Variants in SEC16B observed in about 807,000 individuals in gnomAD.
SEC16B encodes the protein SEC16 homolog B, endoplasmic reticulum export factor.
A neutral mutation model predicts 141.8 loss-of-function variants in SEC16B; 115 were observed. The observed-to-expected ratio is 0.81, with a 90% confidence interval of 0.70 to 0.95. The LOEUF (loss-of-function observed/expected upper bound fraction) is 0.95, where lower values mean the gene tolerates loss of function less well. Among genes scored for constraint, SEC16B ranks in the 40% least tolerant of loss-of-function variants. The probability of loss-of-function intolerance (pLI) is 0.00; values close to 1 mark genes in which losing one functional copy is unlikely to be tolerated. For synonymous variants in SEC16B, 493 were observed against 492.5 expected, an observed-to-expected ratio of 1.00 and a Z score of -0.01; for missense variants, 1,291 against 1,312.3, an observed-to-expected ratio of 0.98 and a Z score of 0.25.
upstream of SEC16B, among the ~76,000 whole-genome samples, chr1:177,974,890 G>A: frequency 6.6e-6 from 1 of 152,184 alleles, no homozygotes; most frequent in Non-Finnish European, 1.5e-5. Context: ...CATCACATGG[G>A]ATCCAGAGCA....
chr1:177,936,564 C>T (rs566760423), intron 19 of SEC16B, among the ~76,000 whole-genome samples, 199 bp from the exon 20 acceptor site: 2 of 152,294 alleles, frequency 1.3e-5, no homozygotes, highest in East Asian at 3.9e-4. Context: ...ACATGCTGTT[C>T]AACTCATCCT....
Position 177,965,132 on chromosome 1 carries a change from C to T in SEC16B, c.448G>A (p.Asp150Asn). ...TCAAGGTACTTTTGCTCTCGGTAAT[C>T]TTCGTGCCAGATATAAGGACTCCGT... ...RQRSPYIWHE[D>N]YREQKYLDEH... Residue 150 changes from aspartate to asparagine, a missense_variant, in exon 4 of 26, where the codon GAT becomes AAT. Physicochemically the swap from Asp to Asn is conservative, Grantham distance 23. Transcript: ENST00000308284. 1 of 1,613,638 alleles carries T rather than the reference C, an allele frequency of 6.2e-7. No individual in the cohort carries two copies. The highest frequency in any genetic ancestry group is 8.5e-7 in the Non-Finnish European group (1 of 1,179,772).
At chr1:177,980,275 C>T (rs1185120994) in intron 1 of SEC16B, among the ~76,000 whole-genome samples, 1 of 152,046 alleles carries the variant, frequency 6.6e-6, no homozygotes, top group Non-Finnish European at 1.5e-5. Flanking sequence ...TATAATTTCA[C>T]CCCTGGGAGA....
At chr1:177,936,395 A>G (rs1006190026) in intron 19 of SEC16B, 30 bp from the exon 20 acceptor site, 2 of 1,576,806 alleles carry the variant, frequency 1.3e-6, no homozygotes, top group Admixed American at 1.8e-5. Context: ...GGAAATAGCA[A>G]TTGGAAGTTG....
chr1:177,943,525 G>A (rs549131118), intron 15 of SEC16B, among the ~76,000 whole-genome samples: 4 of 152,324 alleles, frequency 2.6e-5, no homozygotes, highest in Admixed American at 6.5e-5. Context: ...TGTAATTGTT[G>A]TTGTTGCTGC....
At chr1:177,942,413 T>C (rs1371229675) in intron 15 of SEC16B, among the ~76,000 whole-genome samples, 2 of 152,214 alleles carry the variant, frequency 1.3e-5, no homozygotes, top group African/African-American at 4.8e-5. Context: ...CCAGGTGTGC[T>C]GGCTCATGCC....
intron 4 of SEC16B, 35 bp downstream of exon 4, chr1:177,965,012 C>G: frequency 6.2e-7 from 1 of 1,609,110 alleles, no homozygotes; most frequent in African/African-American, 1.3e-5. Flanking sequence ...AGTTTGACAA[C>G]ATCATGTCAA....
chr1:177,943,601 C>T (rs2101925860), intron 15 of SEC16B, among the ~76,000 whole-genome samples: 1 of 152,226 alleles, frequency 6.6e-6, no homozygotes, highest in South Asian at 2.1e-4. Context: ...AATGTCTCTA[C>T]CTAAAGAAGA....
Position 177,929,755 on chromosome 1 carries a change from C to T in SEC16B, c.*103G>A. 1.5e-6 allele frequency: 2 copies of T among 1,330,830 alleles called. No individual in the cohort carries two copies. The highest frequency in any genetic ancestry group is 2.1e-6 in the Non-Finnish European group (2 of 943,966). The allele number at this position is 1,330,830 out of a possible 1,614,324, so 82.4% of individuals were successfully genotyped here. On this transcript the variant is annotated 3_prime_UTR_variant, in exon 26 of 26. Transcript: ENST00000308284. ...GGTGGAGGCATCGGGCTAGCACAAA[C>T]CTCTTGAGGGTCCCAATATGGTAGA...
At chr1:177,957,111 A>C (rs1157033619) in intron 10 of SEC16B, among the ~76,000 whole-genome samples, 5 of 152,178 alleles carry the variant, frequency 3.3e-5, no homozygotes, top group African/African-American at 1.2e-4. Context: ...TGTATATATA[A>C]AGAACCTTTT....
chr1:177,953,252 C>G (rs1287094743), intron 11 of SEC16B, among the ~76,000 whole-genome samples: 1 of 152,100 alleles, frequency 6.6e-6, no homozygotes, highest in Admixed American at 6.5e-5. Context: ...GTGATCCACC[C>G]TCCTCAGCCA....
Position 177,929,777 on chromosome 1 carries a change from T to C in SEC16B, c.*81A>G. On this transcript the variant is annotated 3_prime_UTR_variant, in exon 26 of 26. Coordinates refer to ENST00000308284, the MANE Select transcript of SEC16B (RefSeq NM_033127.4). ...AAACCTCTTGAGGGTCCCAATATGG[T>C]AGAGAGGGGCTGGGAGATTGAGAAA... 1 of 1,491,392 alleles carries C rather than the reference T, an allele frequency of 6.7e-7. No homozygotes were observed. The highest frequency in any genetic ancestry group is 9.2e-7 in the Non-Finnish European group (1 of 1,083,632). The allele number at this position is 1,491,392 out of a possible 1,614,324, so 92.4% of individuals were successfully genotyped here. A position where few individuals can be genotyped will look rare whatever the true frequency, so the allele number is the denominator to read the frequency against.
intron 16 of SEC16B, among the ~76,000 whole-genome samples, chr1:177,941,536 C>T (rs545766065): frequency 1.6e-4 from 24 of 152,278 alleles, no homozygotes; most frequent in Non-Finnish European, 2.9e-4. Flanking sequence ...TAATAAGGAT[C>T]ATTTACTCTT....
At chr1:177,962,075 T>C (rs1653110133) in intron 5 of SEC16B, among the ~76,000 whole-genome samples, 1 of 152,058 alleles carries the variant, frequency 6.6e-6, no homozygotes, top group South Asian at 2.1e-4. Context: ...TATTCATTCA[T>C]AAACAATTTT....
rs538929275 is a variant in SEC16B, at chr1:177,940,551, G to T, written c.2127+59C>A. 7.6e-6 allele frequency: 9 copies of T among 1,191,298 alleles called. No individual in the cohort carries two copies. In the Admixed American group the frequency reaches 8.7e-5, roughly 12 times the overall value. 73.8% of individuals were successfully genotyped at this position (1,191,298 alleles called of 1,614,324 possible). On this transcript the variant is annotated intron_variant, in intron 17 of 25. Transcript: ENST00000308284. ...AGTGCCTACCTGTTCCATGTCTAGG[G>T]GTGGGAAGAGGGAAACAAAGGCCAG...
chr1:177,931,945 T>G (rs1650446302), intron 24 of SEC16B, among the ~76,000 whole-genome samples: 1 of 152,002 alleles, frequency 6.6e-6, no homozygotes, highest in African/African-American at 2.4e-5. Context: ...GTCCCCAGGC[T>G]TCCCCCGAGG....
At position 177,963,764 on chromosome 1, in the gene SEC16B, A is replaced by G. The variant is rs12081141; in HGVS notation, c.642+407T>C. Among the ~76,000 whole-genome samples the G allele has an allele frequency of 7.1e-3, 1,086 of 152,340 alleles. 14 individuals carry two copies. The highest frequency in any genetic ancestry group is 0.024 in the African/African-American group (1,017 of 41,576). ...AAAGGGATGAATGAAGAGTTAGAAA[A>G]GGTTTCAAGCCCTGCTTCTCAAACC... On this transcript the variant is annotated intron_variant, in intron 5 of 25. Coordinates refer to ENST00000308284, the MANE Select transcript of SEC16B (RefSeq NM_033127.4).
chr1:177,961,076 T>A, intron 6 of SEC16B, 137 bp from the exon 7 acceptor site: 1 of 901,806 alleles, frequency 1.1e-6, no homozygotes, highest in Non-Finnish European at 1.7e-6. Flanking sequence ...GTTGTGTAAT[T>A]AGAAGAAGCC....
Position 177,967,781 on chromosome 1 carries a change from C to A in SEC16B, c.201G>T (p.Gln67His), listed in dbSNP as rs899982933. The A allele has an allele frequency of 8.7e-6, 14 of 1,614,022 alleles. No individual in the cohort carries two copies. The highest frequency in any genetic ancestry group is 1.2e-5 in the Non-Finnish European group (14 of 1,179,882). The change falls in exon 2 of 26, where the codon CAG (glutamine) becomes CAT (histidine). Residue 67 changes from glutamine (Q) to histidine (H), a missense_variant. Physicochemically the swap from Gln to His is conservative, Grantham distance 24. Around this residue, in one of 3 missense-constraint regions of SEC16B, gnomAD observed 681 missense variants for 675.5 expected, o/e 1.01. Coordinates refer to ENST00000308284, the MANE Select transcript of SEC16B (RefSeq NM_033127.4). The part of the protein sequence containing the change: ...QPQQEPRADH[Q>H]QQPHYASRPG... Reference sequence around the variant, plus strand: ...GCCTGGATGCATAATGGGGCTGCTGCTGATGGTCTGCCCTGGGCTCCTGCT... The same window carrying A: ...GCCTGGATGCATAATGGGGCTGCTGATGATGGTCTGCCCTGGGCTCCTGCT...
Sources: allele counts gnomAD v4.1 joint callset (sites outside exome capture counted in the v4.1 genomes callset), GRCh38; gene constraint gnomAD v4.1.1; regional missense constraint gnomAD v4.1.1; transcripts MANE v1.5; gene names NCBI Gene and HGNC (gene_info 2026-07-23, HGNC 2026-07-21).